Variants in CAPN5 observed in about 807,000 individuals in gnomAD.
The protein encoded by CAPN5 is calpain-5.
In CAPN5, 54 loss-of-function variants were observed where a neutral mutation model predicts 73.0. The ratio of observed to expected loss-of-function variants is 0.74; its 90% CI spans 0.59 to 0.93. The LOEUF (loss-of-function observed/expected upper bound fraction) is 0.93. CAPN5 is among the 40% of genes least tolerant of loss of function. CAPN5 has a pLI of 0.00. For missense variants in CAPN5, 785 were observed against 882.9 expected (o/e 0.89, Z 1.41); for synonymous variants, 335 against 356.9 (o/e 0.94, Z 0.69).
rs73493628 is a variant in CAPN5 at position 77,075,417 on chromosome 11, C to T, written c.-36+8323C>T. Among the ~76,000 whole-genome samples the T allele has an allele frequency of 3.3e-3, 505 of 152,310 alleles. 2 individuals are homozygous for T. Among genetic ancestry groups the T allele is most frequent in the African/African-American group, 0.012 (485 of 41,552 alleles). ...CACTCTTGAGTGTCAAGTCCGCAAG[C>T]GTCCTGAGAGCTAGAGGAGGAGGCT... On this transcript the variant is annotated intron_variant, in intron 1 of 12. Transcript: ENST00000648180.
At chr11:77,070,029 A>T (rs970697924) in intron 1 of CAPN5, among the ~76,000 whole-genome samples, 1 of 151,968 alleles carries the variant, frequency 6.6e-6, no homozygotes, top group Non-Finnish European at 1.5e-5. Context: ...TGGAATCTGG[A>T]TGTCTTAGGA....
chr11:77,114,519 C>T (rs1950447322), intron 5 of CAPN5, 85 bp downstream of exon 5: 4 of 1,251,528 alleles, frequency 3.2e-6, no homozygotes, highest in Non-Finnish European at 3.5e-6. Context: ...ATCCCACGCT[C>T]AGGTCAGCTC....
chr11:77,072,871 C>G (rs1385480965), intron 1 of CAPN5: 2 of 340,710 alleles, frequency 5.9e-6, no homozygotes, highest in Non-Finnish European at 1.2e-5. Context: ...TGTAGTGTTC[C>G]CCTCCCTGCC....
At chr11:77,072,336 G>A (rs1289709913) in intron 1 of CAPN5, among the ~76,000 whole-genome samples, 4 of 152,218 alleles carry the variant, frequency 2.6e-5, no homozygotes, top group South Asian at 2.1e-4. Context: ...TGGTGTGAAC[G>A]AATCACTTCC....
At chr11:77,103,162 G>A (rs373946879) in intron 3 of CAPN5, 53 of 1,613,672 alleles carry the variant, frequency 3.3e-5, no homozygotes, top group East Asian at 6.7e-5. Context: ...ATCTTCTGGC[G>A]CAAGGAGGAC....
intron 3 of CAPN5, 51 bp downstream of exon 3, chr11:77,093,864 T>A: frequency 6.3e-7 from 1 of 1,588,206 alleles, no homozygotes; most frequent in Non-Finnish European, 8.6e-7. Flanking sequence ...GAACGCAGCC[T>A]GTGGCCCTCA....
intron 1 of CAPN5, among the ~76,000 whole-genome samples, chr11:77,076,422 A>G (rs574025226): frequency 6.6e-6 from 1 of 152,352 alleles, no homozygotes; most frequent in South Asian, 2.1e-4. Flanking sequence ...TCACCATGTT[A>G]CAATCAATCT....
At chr11:77,108,736 CA>C (rs34493509) in intron 3 of CAPN5, among the ~76,000 whole-genome samples, 43,025 of 140,804 alleles carry the variant, frequency 0.31, 6,400 homozygotes, top group East Asian at 0.52. Context: ...GATAAGGGCT[CA>C]AAAAAAAAAA....
intron 2 of CAPN5, among the ~76,000 whole-genome samples, chr11:77,090,363 C>T (rs781947602): frequency 1.3e-5 from 2 of 152,216 alleles, no homozygotes; most frequent in African/African-American, 2.4e-5. Context: ...CTCCCAAGCT[C>T]GGTCTGTCTC....
At chr11:77,117,191 G>C (rs1485141831) in intron 7 of CAPN5, among the ~76,000 whole-genome samples, 1 of 152,096 alleles carries the variant, frequency 6.6e-6, no homozygotes, top group African/African-American at 2.4e-5. Flanking sequence ...AGCCATGATC[G>C]CACCACTGCA....
chr11:77,073,643 C>T (rs1484707829), intron 1 of CAPN5, among the ~76,000 whole-genome samples: 1 of 152,210 alleles, frequency 6.6e-6, no homozygotes, highest in Non-Finnish European at 1.5e-5. Flanking sequence ...TGGCCCTGCC[C>T]GCAAGGCCCT....
chr11:77,087,909 C>T, intron 2 of CAPN5: 2 of 1,535,954 alleles, frequency 1.3e-6, no homozygotes, highest in Non-Finnish European at 1.7e-6. Context: ...ACACCCTTCA[C>T]CCACAGGCTC....
chr11:77,072,740 T>C (rs781855941), intron 1 of CAPN5, among the ~76,000 whole-genome samples: 5 of 152,226 alleles, frequency 3.3e-5, no homozygotes, highest in African/African-American at 4.8e-5. Flanking sequence ...GGGCACTGTC[T>C]CACCAGTCTT....
At chr11:77,122,365 G>T (rs1950528416) in intron 11 of CAPN5, among the ~76,000 whole-genome samples, 1 of 152,232 alleles carries the variant, frequency 6.6e-6, no homozygotes, top group Non-Finnish European at 1.5e-5. Context: ...GGCAGAGGGA[G>T]CAGTGTGGGT....
At chr11:77,123,613 C>A in intron 12 of CAPN5, 75 bp from the exon 13 acceptor site, 1 of 1,284,200 alleles carries the variant, frequency 7.8e-7, no homozygotes, top group Non-Finnish European at 1.1e-6. Context: ...CCACCACCAC[C>A]AGCACCCCCC....
chr11:77,117,497 G>T (rs1228500815), intron 7 of CAPN5, among the ~76,000 whole-genome samples: 1 of 152,202 alleles, frequency 6.6e-6, no homozygotes, highest in African/African-American at 2.4e-5. Context: ...TGCTGCAGGA[G>T]GCCACCCAGG....
At chr11:77,116,141 G>A (rs1313173184) in intron 6 of CAPN5, 85 bp from the exon 7 acceptor site, 4 of 1,267,578 alleles carry the variant, frequency 3.2e-6, no homozygotes, top group African/African-American at 1.5e-5. Context: ...ACTGCCCCTC[G>A]TGCCTCCTCG....
At chr11:77,077,324 T>C (rs1462881478) in intron 1 of CAPN5, among the ~76,000 whole-genome samples, 3 of 152,104 alleles carry the variant, frequency 2.0e-5, no homozygotes, top group Non-Finnish European at 4.4e-5. Context: ...GCCATTGCAC[T>C]TGAGCCTGGG....
chr11:77,100,214 C>G (rs1022710646), intron 3 of CAPN5, among the ~76,000 whole-genome samples: 1 of 152,192 alleles, frequency 6.6e-6, no homozygotes, highest in Non-Finnish European at 1.5e-5. Context: ...GTATTCATTG[C>G]TACATCCAGC....
Sources: allele counts gnomAD v4.1 joint callset (sites outside exome capture counted in the v4.1 genomes callset), GRCh38; gene constraint gnomAD v4.1.1; transcripts MANE v1.5; gene names NCBI Gene and HGNC (gene_info 2026-07-23, HGNC 2026-07-21).